The following SVOPL variants were observed in gnomAD, a reference collection of about 807,000 sequenced individuals.
The protein encoded by SVOPL is putative transporter SVOPL.
Under a neutral mutation model 61.0 loss-of-function variants are expected in SVOPL, and 60 were observed. The ratio of observed to expected loss-of-function variants is 0.98; its 90% CI spans 0.80 to 1.22. The LOEUF (loss-of-function observed/expected upper bound fraction) is 1.22. SVOPL is among the 50% of genes most tolerant of loss of function. The pLI is 0.00. For missense variants in SVOPL, 662 were observed against 643.9 expected (o/e 1.03, Z -0.30); for synonymous variants, 279 against 250.0 (o/e 1.12, Z -1.09).
chr7:138,598,974 A>T (rs1798393074), intron 14 of SVOPL, among the ~76,000 whole-genome samples: 2 of 152,006 alleles, frequency 1.3e-5, no homozygotes, highest in South Asian at 4.1e-4. Context: ...TCTAAAGTTA[A>T]GTTGGCTGGG....
At position 138,594,715 on chromosome 7, in the gene SVOPL, C is replaced by A. The variant is rs1224122526; in HGVS notation, c.1468-94G>T. The A allele has an allele frequency of 1.0e-5, 9 of 893,056 alleles. No homozygotes were observed. The East Asian group carries it at 2.3e-4, about 23-fold the overall frequency. The allele number at this position is 893,056 out of a possible 1,614,324, so 55.3% of individuals were successfully genotyped here. On this transcript the variant is annotated intron_variant, in intron 15 of 15. Coordinates refer to ENST00000674285, the MANE Select transcript of SVOPL (RefSeq NM_001139456.2). The stretch of plus-strand genomic sequence containing the variant: ...TCTGATATTTTAGTAATAGAAGATT[C>A]TTTAATAAAAAATTATTAGGAGGGA...
At chr7:138,649,852 GAC>G (rs1285225203) in intron 7 of SVOPL, among the ~76,000 whole-genome samples, 2 of 152,154 alleles carry the variant, frequency 1.3e-5, no homozygotes, top group African/African-American at 2.4e-5. Flanking sequence ...TTGTTTTTGA[GAC>G]AGAGTCTTGC....
chr7:138,691,601 C>T (rs899089483), intron 1 of SVOPL, among the ~76,000 whole-genome samples: 4 of 152,166 alleles, frequency 2.6e-5, no homozygotes, highest in South Asian at 2.1e-4. Flanking sequence ...AGTGCGATGG[C>T]GTGATCTCGG....
chr7:138,648,723 G>A (rs960753098), intron 8 of SVOPL, among the ~76,000 whole-genome samples: 14 of 150,688 alleles, frequency 9.3e-5, no homozygotes, highest in Non-Finnish European at 1.8e-4. Flanking sequence ...TCCAGCCGAG[G>A]TCGCGGCACT....
In SVOPL at chr7:138,696,989, G is replaced by A. The variant is rs554776658; in HGVS notation, c.-35+4189C>T. Among the ~76,000 whole-genome samples the A allele has an allele frequency of 3.3e-5, 5 of 152,308 alleles. No individual in the cohort carries two copies. In the East Asian group the frequency reaches 9.6e-4, roughly 29 times the overall value. On this transcript the variant is annotated intron_variant, in intron 1 of 15. Transcript: ENST00000674285. ...CAAATGATTGGTCAGAAGTCCACAT[G>A]GTAGCCTGGCATAAGAGGCCCTGTT...
At position 138,629,707 on chromosome 7, in the gene SVOPL, G is replaced by C. The variant is rs6467784; in HGVS notation, c.863+342C>G. Among the ~76,000 whole-genome samples, 189 of 152,272 alleles carry C rather than the reference G, an allele frequency of 1.2e-3. 1 individual carries two copies. Among genetic ancestry groups the C allele is most frequent in the Non-Finnish European group, 2.0e-3 (134 of 68,034 alleles). On this transcript the variant is annotated intron_variant, in intron 10 of 15. Transcript: ENST00000674285. ...ATCACAGAGGGTACCACAAGAGTCT[G>C]TGCCACTGGACTCGATGATTGGTGA...
chr7:138,691,981 C>G (rs920411574), intron 1 of SVOPL, among the ~76,000 whole-genome samples: 5 of 152,150 alleles, frequency 3.3e-5, no homozygotes, highest in Admixed American at 6.6e-5. Context: ...CCACACCCAG[C>G]TAGCTTTTGT....
rs1801243188 is a variant in SVOPL at position 138,648,532 on chromosome 7, C to CA, written c.660+479_660+480insT. 4.1e-4 allele frequency among the ~76,000 whole-genome samples: 43 copies of CA among 104,024 alleles called. No homozygotes were observed. In the South Asian group the frequency reaches 0.013, roughly 31 times the overall value. 68.2% of individuals were successfully genotyped at this position (104,024 alleles called of 152,430 possible). ...GTGAAACACTGTCTCTACTAAAAAT[C>CA]CAAAAAAAAAAAAAAAAAAAAAAAA... On this transcript the variant is annotated intron_variant, in intron 8 of 15. Coordinates refer to ENST00000674285, the MANE Select transcript of SVOPL (RefSeq NM_001139456.2).
At chr7:138,681,141 T>C (rs1802691819) in intron 1 of SVOPL, among the ~76,000 whole-genome samples, 1 of 102,708 alleles carries the variant, frequency 9.7e-6, no homozygotes, top group Admixed American at 8.5e-5. Context: ...AATTTTGAAC[T>C]TGAAAGAGAT....
chr7:138,603,629 A>G (rs1272828081), intron 14 of SVOPL, among the ~76,000 whole-genome samples: 1 of 152,126 alleles, frequency 6.6e-6, no homozygotes, highest in Non-Finnish European at 1.5e-5. Flanking sequence ...CGGAGATTGC[A>G]CCACTGCACT....
At chr7:138,649,403 C>A (rs1404956139) in intron 7 of SVOPL, among the ~76,000 whole-genome samples, 2 of 152,132 alleles carry the variant, frequency 1.3e-5, no homozygotes, top group Non-Finnish European at 2.9e-5. Context: ...AAATGATTCT[C>A]ATGCCTCAGC....
At chr7:138,690,496 T>C (rs181402850) in intron 1 of SVOPL, among the ~76,000 whole-genome samples, 1 of 152,380 alleles carries the variant, frequency 6.6e-6, no homozygotes, top group Admixed American at 6.5e-5. Flanking sequence ...ACTTGCTGCA[T>C]GATGAATGAA....
intron 3 of SVOPL, among the ~76,000 whole-genome samples, chr7:138,675,448 G>A (rs1802535489): frequency 6.6e-6 from 1 of 151,970 alleles, no homozygotes; most frequent in African/African-American, 2.4e-5. Context: ...CCATCTCCCG[G>A]GTTCAAGCAA....
At chr7:138,647,847 CAAAAAAAAA>C (rs33996391) in intron 8 of SVOPL, among the ~76,000 whole-genome samples, 3 of 102,772 alleles carry the variant, frequency 2.9e-5, no homozygotes, top group Admixed American at 1.0e-4. Context: ...GACTCCGTTT[CAAAAAAAAA>C]AAAAAAAAAA....
intron 14 of SVOPL, among the ~76,000 whole-genome samples, chr7:138,612,795 A>G (rs1477015619): frequency 1.3e-5 from 2 of 152,002 alleles, no homozygotes; most frequent in African/African-American, 4.8e-5. Flanking sequence ...GATTACAGGC[A>G]TGAGCCACCG....
At position 138,628,206 on chromosome 7, in the gene SVOPL, G is replaced by A; in HGVS notation, c.1021C>T (p.Pro341Ser). ...QSPCYCHMFA[P>S]SDYRTMIIST... ...ATGATCATGGTCCGATAGTCAGAGG[G>A]TGCAAACATGTGGCAGTAGCAGGGG... is the stretch of plus-strand genomic sequence containing the variant. Residue 341 changes from proline (P) to serine (S), a missense_variant, in exon 11 of 16, where the codon CCC becomes TCC. Transcript: ENST00000674285. 6.2e-7 allele frequency: 1 copy of A among 1,614,166 alleles called. No homozygotes were observed. Among genetic ancestry groups the A allele is most frequent in the South Asian group, 1.1e-5 (1 of 91,074 alleles).
chr7:138,666,866 A>G (rs989830482), intron 4 of SVOPL, among the ~76,000 whole-genome samples: 1 of 152,192 alleles, frequency 6.6e-6, no homozygotes, highest in African/African-American at 2.4e-5. Flanking sequence ...CCAAATATGT[A>G]TGATGCCAGC....
chr7:138,605,330 T>G (rs957629938), intron 14 of SVOPL, among the ~76,000 whole-genome samples: 5 of 151,892 alleles, frequency 3.3e-5, no homozygotes, highest in Middle Eastern at 6.3e-3. Flanking sequence ...GAACAGAGTC[T>G]AGAGAGAAAA....
chr7:138,701,076 C>G (rs1031092583), intron 1 of SVOPL, 102 bp downstream of exon 1: 2 of 152,166 alleles, frequency 1.3e-5, no homozygotes, highest in African/African-American at 4.8e-5. Context: ...TTTTCATGCT[C>G]CATTTGCCTT....
Sources: allele counts gnomAD v4.1 joint callset (sites outside exome capture counted in the v4.1 genomes callset), GRCh38; gene constraint gnomAD v4.1.1; transcripts MANE v1.5; gene names NCBI Gene and HGNC (gene_info 2026-07-23, HGNC 2026-07-21).